ZFYVE9: variants seen among roughly 807,000 people sequenced by gnomAD.
ZFYVE9 encodes the protein zinc finger FYVE-type containing 9, also known as zinc finger FYVE domain-containing protein 9.
ZFYVE9 carries 43 observed loss-of-function variants against 126.7 expected under a neutral mutation model. The ratio of observed to expected loss-of-function variants is 0.34; its 90% CI spans 0.27 to 0.44. The LOEUF (loss-of-function observed/expected upper bound fraction) is 0.44. Ranked by LOEUF, ZFYVE9 falls within the 20% of genes least tolerant of loss-of-function variation. The pLI, the probability that ZFYVE9 is intolerant of heterozygous loss-of-function variation, is 1.00. For synonymous variants in ZFYVE9, 521 were observed against 597.4 expected, an observed-to-expected ratio of 0.87 and a Z score of 1.87; for missense variants, 1,476 against 1,697.0, an observed-to-expected ratio of 0.87 and a Z score of 2.29.
chr1:52,253,718 T>G, intron 4 of ZFYVE9: 1 of 1,606,772 alleles, frequency 6.2e-7, no homozygotes, highest in Non-Finnish European at 8.5e-7. Flanking sequence ...GTTTGGTCAC[T>G]CTCATCTTGC....
At chr1:52,201,404 G>A (rs1644921693) in intron 1 of ZFYVE9, among the ~76,000 whole-genome samples, 1 of 127,878 alleles carries the variant, frequency 7.8e-6, no homozygotes, top group South Asian at 2.5e-4. Context: ...TTGAGACAGA[G>A]TCTTGCTCTG....
chr1:52,150,632 C>T (rs955322356), intron 1 of ZFYVE9, among the ~76,000 whole-genome samples: 9 of 151,526 alleles, frequency 5.9e-5, no homozygotes, highest in East Asian at 2.0e-4. Flanking sequence ...CTGGGCGTGG[C>T]GTTGGGCCCC....
chr1:52,158,605 C>T (rs896184979), intron 1 of ZFYVE9, among the ~76,000 whole-genome samples: 2 of 152,196 alleles, frequency 1.3e-5, no homozygotes, highest in Non-Finnish European at 2.9e-5. Flanking sequence ...GCTGAGCATT[C>T]AGCCACCGTG....
intron 12 of ZFYVE9, among the ~76,000 whole-genome samples, chr1:52,301,605 T>C (rs1354091916): frequency 6.6e-6 from 1 of 152,136 alleles, no homozygotes; most frequent in Non-Finnish European, 1.5e-5. Flanking sequence ...TGCCTGACCT[T>C]CTCTGGCTAG....
At position 52,192,132 on chromosome 1, in the gene ZFYVE9, G is replaced by C. The variant is rs1644821616; in HGVS notation, c.-142-24237G>C. Among the ~76,000 whole-genome samples the C allele has an allele frequency of 2.6e-5, 4 of 151,948 alleles. No homozygotes were observed. In the South Asian group the frequency reaches 8.3e-4, roughly 32 times the overall value. On this transcript the variant is annotated intron_variant, in intron 1 of 18. Transcript: ENST00000287727. ...CAGAGCTACCTGCCACTGCAAATCA[G>C]GGTGTAATCTTAGAGGAGGGGATTG...
At chr1:52,241,104 G>C (rs2124634009) in intron 4 of ZFYVE9, among the ~76,000 whole-genome samples, 1 of 152,280 alleles carries the variant, frequency 6.6e-6, no homozygotes, top group East Asian at 1.9e-4. Flanking sequence ...TGAGACAATA[G>C]ATAGGTTAAT....
chr1:52,274,737 T>C (rs1645729131), intron 8 of ZFYVE9, among the ~76,000 whole-genome samples, 153 bp downstream of exon 8: 1 of 152,236 alleles, frequency 6.6e-6, no homozygotes, highest in South Asian at 2.1e-4. Flanking sequence ...GTTGCTGTTA[T>C]TATTTTAGAG....
chr1:52,329,648 A>G (rs1646321902), intron 13 of ZFYVE9, among the ~76,000 whole-genome samples: 1 of 152,146 alleles, frequency 6.6e-6, no homozygotes, highest in Admixed American at 6.6e-5. Flanking sequence ...GCACATGCCT[A>G]TAATCCCAGC....
intron 13 of ZFYVE9, among the ~76,000 whole-genome samples, chr1:52,306,648 A>G (rs1275131084): frequency 6.6e-6 from 1 of 152,188 alleles, no homozygotes; most frequent in Non-Finnish European, 1.5e-5. Flanking sequence ...CCTTTGGGGA[A>G]CCCAAGCTTG....
At chr1:52,304,584 T>C (rs1332756784) in intron 13 of ZFYVE9, among the ~76,000 whole-genome samples, 4 of 152,074 alleles carry the variant, frequency 2.6e-5, no homozygotes, top group African/African-American at 9.7e-5. Flanking sequence ...TATAAAATAA[T>C]TTTTCCTTCC....
chr1:52,339,682 T>TTCCC (rs1273311984), intron 16 of ZFYVE9, among the ~76,000 whole-genome samples: 4 of 152,274 alleles, frequency 2.6e-5, no homozygotes, highest in Non-Finnish European at 5.9e-5. Flanking sequence ...ATATATCATA[T>TTCCC]TCCCTCCCCT....
Position 52,311,803 on chromosome 1 carries a change from T to A in ZFYVE9, c.3438+7878T>A, listed in dbSNP as rs550909536. 1.8e-4 allele frequency among the ~76,000 whole-genome samples: 28 copies of A among 152,224 alleles called. No homozygotes were observed. In the East Asian group the frequency reaches 2.5e-3, roughly 14 times the overall value. ...AATTTTTATTTTTATTTATTTATTT[T>A]TTTTTTAGATGAAGTCTCACTCCAT... On this transcript the variant is annotated intron_variant, in intron 13 of 18. Transcript: ENST00000287727.
At chr1:52,163,634 A>C (rs1037750940) in intron 1 of ZFYVE9, among the ~76,000 whole-genome samples, 1 of 152,110 alleles carries the variant, frequency 6.6e-6, no homozygotes, top group African/African-American at 2.4e-5. Flanking sequence ...ACTTTTCTTT[A>C]TATCCATCAC....
At chr1:52,332,978 T>C (rs1355531647) in intron 14 of ZFYVE9, 60 bp downstream of exon 14, 44 of 1,597,020 alleles carry the variant, frequency 2.8e-5, no homozygotes, top group Non-Finnish European at 3.8e-5. Flanking sequence ...CTTGGACAGT[T>C]AGATACCTCA....
At position 52,151,763 on chromosome 1, in the gene ZFYVE9, C is replaced by T. The variant is rs762645153; in HGVS notation, c.-143+9360C>T. The stretch of plus-strand genomic sequence containing the variant: ...AACTCCTGACCTCAAGTGATCCACC[C>T]GCCTCGGCCTCCCAAAGTGCTGGGA... On this transcript the variant is annotated intron_variant, in intron 1 of 18. Transcript: ENST00000287727. Among the ~76,000 whole-genome samples the T allele has an allele frequency of 1.7e-4, 26 of 151,522 alleles. 1 individual carries two copies. The Middle Eastern group carries it at 0.01, about 60-fold the overall frequency.
chr1:52,320,789 T>C (rs1646231805), intron 13 of ZFYVE9, among the ~76,000 whole-genome samples: 1 of 152,324 alleles, frequency 6.6e-6, no homozygotes, highest in South Asian at 2.1e-4. Flanking sequence ...CAAGTGCCTT[T>C]TTATGAGTAT....
intron 14 of ZFYVE9, 74 bp downstream of exon 14, chr1:52,332,992 C>A: frequency 6.4e-7 from 1 of 1,555,364 alleles, no homozygotes; most frequent in East Asian, 2.3e-5. Context: ...TACCTCAGTC[C>A]CGTAACACTC....
chr1:52,331,728 G>A (rs1187277513), intron 13 of ZFYVE9, among the ~76,000 whole-genome samples: 3 of 150,402 alleles, frequency 2.0e-5, no homozygotes, highest in African/African-American at 7.3e-5. Context: ...TTCCAGCTTG[G>A]GCAACAGAGA....
At chr1:52,180,927 T>C (rs1273761406) in intron 1 of ZFYVE9, among the ~76,000 whole-genome samples, 1 of 127,398 alleles carries the variant, frequency 7.8e-6, no homozygotes, top group Non-Finnish European at 1.5e-5. Flanking sequence ...GTGAGCTGAA[T>C]CACCCCATTG....
Sources: allele counts gnomAD v4.1 joint callset (sites outside exome capture counted in the v4.1 genomes callset), GRCh38; gene constraint gnomAD v4.1.1; transcripts MANE v1.5; gene names NCBI Gene and HGNC (gene_info 2026-07-23, HGNC 2026-07-21).